Variants in SDC4 observed in about 807,000 individuals in gnomAD.
The protein encoded by SDC4 is syndecan 4.
Under a neutral mutation model 20.5 loss-of-function variants are expected in SDC4, and 17 were observed. The observed-to-expected ratio is 0.83, with a 90% CI of 0.57 to 1.25. The LOEUF (loss-of-function observed/expected upper bound fraction) is 1.25, where lower values mean the gene tolerates loss of function less well. Among genes scored for constraint, SDC4 ranks in the 50% most tolerant of loss-of-function variants. The pLI, the probability that SDC4 is intolerant of heterozygous loss-of-function variation, is 0.00. For missense variants in SDC4, 241 were observed against 252.3 expected, an observed-to-expected ratio of 0.96 and a Z score of 0.30; for synonymous variants, 107 against 105.3, an observed-to-expected ratio of 1.02 and a Z score of -0.10.
chr20:45,332,553 G>A (rs1293812840), intron 3 of SDC4, among the ~76,000 whole-genome samples: 1 of 152,100 alleles, frequency 6.6e-6, no homozygotes, highest in East Asian at 1.9e-4. Flanking sequence ...CAGGGAGGAT[G>A]GCCTACCAGC....
chr20:45,331,909 T>C (rs991509045), intron 3 of SDC4, among the ~76,000 whole-genome samples: 3 of 152,210 alleles, frequency 2.0e-5, no homozygotes. Flanking sequence ...GCTCTACCTA[T>C]GGAGTAGCCA....
intron 1 of SDC4, among the ~76,000 whole-genome samples, chr20:45,347,515 G>A (rs988215818): frequency 6.6e-5 from 10 of 152,222 alleles, no homozygotes; most frequent in South Asian, 6.2e-4. Context: ...GGCTGATTGA[G>A]GCCTTCTCTC....
intron 1 of SDC4, among the ~76,000 whole-genome samples, chr20:45,336,342 G>A (rs936029389): frequency 1.3e-5 from 2 of 152,218 alleles, no homozygotes; most frequent in Non-Finnish European, 2.9e-5. Context: ...GAACCCGGGA[G>A]GCGGAGGTTG....
intron 3 of SDC4, among the ~76,000 whole-genome samples, chr20:45,332,063 C>T (rs902854654): frequency 7.2e-5 from 11 of 151,964 alleles, no homozygotes; most frequent in Admixed American, 1.3e-4. Context: ...TAAACTATTA[C>T]GCAGCCTATA....
rs1336558464 is a variant in SDC4 at position 45,348,394 on chromosome 20, G to A, written c.-10C>T. The A allele has an allele frequency of 2.6e-6, 4 of 1,564,604 alleles. No homozygotes were observed. The highest frequency in any genetic ancestry group is 1.8e-5 in the Admixed American group (1 of 54,186). On this transcript the variant is annotated 5_prime_UTR_variant, in exon 1 of 5. Coordinates refer to ENST00000372733, the MANE Select transcript of SDC4 (RefSeq NM_002999.4). ...GACGGGCGGGGGCCATGGCACCGCG[G>A]ACTGGAGAAGGCGCGCAGGCTGCGG... is the stretch of plus-strand genomic sequence containing the variant.
At chr20:45,346,022 C>A (rs1345181733) in intron 1 of SDC4, among the ~76,000 whole-genome samples, 1 of 152,156 alleles carries the variant, frequency 6.6e-6, no homozygotes, top group East Asian at 1.9e-4. Context: ...TTTTACCTCT[C>A]ACATTTGGGA....
chr20:45,340,842 C>T (rs1464177108), intron 1 of SDC4, among the ~76,000 whole-genome samples: 1 of 152,194 alleles, frequency 6.6e-6, no homozygotes, highest in Non-Finnish European at 1.5e-5. Context: ...GCAGGAGACC[C>T]CCAGCAGCGT....
Position 45,333,032 on chromosome 20 carries a change from G to C in SDC4, c.237C>G (p.Val79=). ...LEDSMIGPEV[V]HPLVPLDNHI... ...GCATGTAGCTACTTACCAAGGGATG[G>C]ACAACTTCAGGGCCGATCATGGAGT... is the stretch of plus-strand genomic sequence containing the variant. Residue 79 remains valine, a synonymous_variant, in exon 3 of 5, where the codon GTC becomes GTG. Transcript: ENST00000372733. 4 of 1,614,156 alleles carry C rather than the reference G, an allele frequency of 2.5e-6. No individual in the cohort carries two copies. Among genetic ancestry groups the C allele is most frequent in the Non-Finnish European group, 2.5e-6 (3 of 1,179,992 alleles).
chr20:45,335,846 A>G lies in SDC4; in HGVS notation c.135T>C (p.Asp45=). The change falls in exon 2 of 5, where the codon GAT becomes GAC. Residue 45 remains aspartate, a synonymous_variant. Transcript: ENST00000372733. Reference sequence around the variant, plus strand: ...CCTGCCCGGGCCCCACTACATCCTCATCGTCTGGTAGGGCTCCGGAGAAGT... The same window carrying G: ...CCTGCCCGGGCCCCACTACATCCTCGTCGTCTGGTAGGGCTCCGGAGAAGT... ...GRYFSGALPD[D]EDVVGPGQES... is the part of the protein sequence containing the mutation. 6.2e-7 allele frequency: 1 copy of G among 1,613,632 alleles called. No homozygotes were observed. The highest frequency in any genetic ancestry group is 8.5e-7 in the Non-Finnish European group (1 of 1,179,842).
rs1988065530 is a variant in SDC4, at chr20:45,348,312, T to G, written c.60+13A>C. The G allele has an allele frequency of 2.6e-6, 4 of 1,557,654 alleles. No individual in the cohort carries two copies. Among genetic ancestry groups the G allele is most frequent in the Non-Finnish European group, 3.5e-6 (4 of 1,152,878 alleles). On this transcript the variant is annotated intron_variant, in intron 1 of 4. Transcript: ENST00000372733. ...CCGCTTCGCCCCCAGCCCGGGAACCTCCAAGCACCCACCGACTCGGCGACT... is the reference window on the plus strand; with the variant it reads ...CCGCTTCGCCCCCAGCCCGGGAACCGCCAAGCACCCACCGACTCGGCGACT...
intron 1 of SDC4, 131 bp downstream of exon 1, chr20:45,348,194 C>T: frequency 1.1e-6 from 1 of 900,028 alleles, no homozygotes; most frequent in East Asian, 2.9e-5. Flanking sequence ...CAAAGTTTCC[C>T]GGGCCTCGGT....
At chr20:45,330,615 CAG>C in intron 3 of SDC4, 51 bp from the exon 4 acceptor site, 1 of 1,520,724 alleles carries the variant, frequency 6.6e-7, no homozygotes. Flanking sequence ...GGAAGAGACT[CAG>C]GGCAGGGGAC....
At chr20:45,328,440 G>A (rs903598426) in intron 4 of SDC4, among the ~76,000 whole-genome samples, 9 of 152,208 alleles carry the variant, frequency 5.9e-5, no homozygotes, top group Admixed American at 3.9e-4. Context: ...TTCATTAACT[G>A]TAAGGGTTTA....
intron 4 of SDC4, among the ~76,000 whole-genome samples, chr20:45,328,690 C>T (rs932930840): frequency 1.1e-4 from 16 of 152,122 alleles, no homozygotes; most frequent in African/African-American, 3.1e-4. Context: ...TTCCCTAATT[C>T]GGTCTTACTC....
intron 2 of SDC4, among the ~76,000 whole-genome samples, chr20:45,333,652 G>A (rs1163356333): frequency 6.6e-6 from 1 of 152,184 alleles, no homozygotes; most frequent in Admixed American, 6.5e-5. Flanking sequence ...CTGGGCGACA[G>A]AACAAGACTC....
At chr20:45,348,063 C>A (rs922798128) in intron 1 of SDC4, among the ~76,000 whole-genome samples, 10 of 152,212 alleles carry the variant, frequency 6.6e-5, no homozygotes, top group Admixed American at 1.3e-4. Context: ...TAGTCACTAA[C>A]GAGCCCGTAG....
At chr20:45,348,201 C>T (rs1420483390) in intron 1 of SDC4, 124 bp downstream of exon 1, 9 of 937,122 alleles carry the variant, frequency 9.6e-6, no homozygotes, top group African/African-American at 3.4e-5. Flanking sequence ...TCCCGGGCCT[C>T]GGTGTCCGGT....
At chr20:45,339,474 T>C (rs533513650) in intron 1 of SDC4, among the ~76,000 whole-genome samples, 98 of 152,334 alleles carry the variant, frequency 6.4e-4, no homozygotes, top group African/African-American at 2.3e-3. Flanking sequence ...AAGACAGTGG[T>C]GGCTAGGCAC....
intron 3 of SDC4, among the ~76,000 whole-genome samples, chr20:45,332,314 T>C (rs2741484): frequency 0.23 from 34,611 of 151,442 alleles, 4,081 homozygotes; most frequent in African/African-American, 0.27. Flanking sequence ...CGCACGCCAC[T>C]GTGCCAGGCT....
Sources: allele counts gnomAD v4.1 joint callset (sites outside exome capture counted in the v4.1 genomes callset), GRCh38; gene constraint gnomAD v4.1.1; transcripts MANE v1.5; gene names NCBI Gene and HGNC (gene_info 2026-07-23, HGNC 2026-07-21).